The following FAM234A variants were observed in gnomAD, a reference collection of about 807,000 sequenced individuals.
FAM234A encodes protein FAM234A.
In FAM234A, 42 loss-of-function variants were observed where a neutral mutation model predicts 49.1. That is an observed-to-expected ratio of 0.86 (90% CI 0.67 to 1.11). The LOEUF is 1.11. Ranked by LOEUF, FAM234A falls within the 50% of genes least tolerant of loss-of-function variation. FAM234A has a pLI of 0.00. For missense variants in FAM234A, 815 were observed against 745.2 expected (o/e 1.09, Z -1.09); for synonymous variants, 369 against 316.2 (o/e 1.17, Z -1.77).
At chr16:261,999 G>GC in intron 6 of FAM234A, 94 bp from the exon 7 acceptor site, 2 of 947,768 alleles carry the variant, frequency 2.1e-6, no homozygotes, top group South Asian at 2.0e-5. Context: ...TGTCATTGCA[G>GC]CCCCAGGCTC....
chr16:245,927 C>T (rs562371752), intron 1 of FAM234A, among the ~76,000 whole-genome samples: 1 of 152,112 alleles, frequency 6.6e-6, no homozygotes, highest in Non-Finnish European at 1.5e-5. Context: ...ACATTTTTGG[C>T]CAGGCGCAGT....
chr16:246,547 G>A (rs1472772843), intron 1 of FAM234A, among the ~76,000 whole-genome samples: 10 of 148,016 alleles, frequency 6.8e-5, no homozygotes, highest in African/African-American at 2.5e-4. Flanking sequence ...AGCCTCCCGA[G>A]TAGCTGGGAC....
chr16:266,880 C>T (rs553386383), downstream of FAM234A, among the ~76,000 whole-genome samples: 683 of 152,142 alleles, frequency 4.5e-3, 2 homozygotes, highest in Middle Eastern at 0.017. Flanking sequence ...AAGAGCTGCC[C>T]CCTGACAGCA....
At chr16:245,915 T>C (rs1247703089) in intron 1 of FAM234A, among the ~76,000 whole-genome samples, 1 of 152,132 alleles carries the variant, frequency 6.6e-6, no homozygotes, top group African/African-American at 2.4e-5. Context: ...AAAATAATGT[T>C]TACATTTTTG....
chr16:251,374 T>G (rs540467955), intron 2 of FAM234A, among the ~76,000 whole-genome samples: 8 of 152,238 alleles, frequency 5.3e-5, no homozygotes, highest in Middle Eastern at 3.4e-3. Context: ...GTAGGGTTTT[T>G]TTTTGTTTTG....
intron 1 of FAM234A, among the ~76,000 whole-genome samples, chr16:236,116 C>G (rs570166005): frequency 1.3e-5 from 2 of 151,728 alleles, no homozygotes; most frequent in Non-Finnish European, 2.9e-5. Context: ...CCACACCCAG[C>G]TAATTTTTTT....
rs2050339390 is a variant in FAM234A at position 234,845 on chromosome 16, G to A, written c.-152G>A. The A allele has an allele frequency of 6.6e-6, 1 of 152,514 alleles. No individual in the cohort carries two copies. The highest frequency in any genetic ancestry group is 1.5e-5 in the Non-Finnish European group (1 of 68,212). The allele number at this position is 152,514 out of a possible 1,614,324, so 9.4% of individuals were successfully genotyped here. On this transcript the variant is annotated 5_prime_UTR_variant, in exon 1 of 13. Transcript: ENST00000399932. ...GGCCAGCGGCGCGGTCGGGTGAGAGGCCGCGGCGGCAGGTGAGTGAGCGCG... is the reference window on the plus strand; with the variant it reads ...GGCCAGCGGCGCGGTCGGGTGAGAGACCGCGGCGGCAGGTGAGTGAGCGCG...
chr16:269,532 C>T, downstream of FAM234A: 2 of 1,613,438 alleles, frequency 1.2e-6, no homozygotes, highest in Middle Eastern at 1.6e-4. Flanking sequence ...GGATCCCAGC[C>T]TCTGCCAGGA....
intron 9 of FAM234A, 143 bp from the exon 10 acceptor site, chr16:263,557 G>A: frequency 2.3e-6 from 3 of 1,292,678 alleles, no homozygotes; most frequent in Non-Finnish European, 2.2e-6. Flanking sequence ...CTTGCCCCTT[G>A]CCCCAGACGT....
intron 7 of FAM234A, 41 bp from the exon 8 acceptor site, chr16:262,383 C>T (rs1031609240): frequency 3.8e-6 from 6 of 1,564,452 alleles, no homozygotes; most frequent in African/African-American, 1.4e-5. Context: ...GGGTTCACAG[C>T]GTGACCCTGG....
chr16:253,568 G>A (rs759490005), intron 2 of FAM234A, among the ~76,000 whole-genome samples: 3 of 151,622 alleles, frequency 2.0e-5, no homozygotes, highest in Admixed American at 6.6e-5. Flanking sequence ...TCCGCCTCCC[G>A]GGTTCACGCC....
rs199753598 is a variant in FAM234A, at chr16:264,867, G to T, written c.1504G>T (p.Asp502Tyr). The change falls in exon 13 of 13, where the codon GAC becomes TAC. Residue 502 changes from aspartate to tyrosine, a missense_variant. Asp to Tyr is a radical substitution (Grantham distance 160). Transcript: ENST00000399932. ...CTACATCCTTCTGACAGGCCCGGCA[G>T]ACTCAGAGGCACCCGGCCTGGTCTC... ...AAYILLTGPA[D>Y]SEAPGLVSVI... 2.0e-4 allele frequency: 325 copies of T among 1,612,372 alleles called. 1 individual carries two copies. Among genetic ancestry groups the T allele is most frequent in the Non-Finnish European group, 2.6e-4 (311 of 1,179,964 alleles).
At chr16:260,381 G>A (rs13335629) in intron 5 of FAM234A, 6,806 of 593,928 alleles carry the variant, frequency 0.011, 386 homozygotes, top group African/African-American at 0.11. Context: ...GTTACCTCCC[G>A]TTACACCTTG....
chr16:252,873 C>CG (rs762768966), intron 2 of FAM234A, among the ~76,000 whole-genome samples: 3 of 152,178 alleles, frequency 2.0e-5, no homozygotes, highest in African/African-American at 4.8e-5. Flanking sequence ...CGCTGACCTC[C>CG]GCACGCCCTC....
intron 11 of FAM234A, 94 bp downstream of exon 11, chr16:264,265 G>C: frequency 7.7e-7 from 1 of 1,291,516 alleles, no homozygotes; most frequent in Non-Finnish European, 1.0e-6. Context: ...GCTCATCGGT[G>C]CCTGGGCAAC....
At chr16:269,776 G>C, downstream of FAM234A, 1 of 564,426 alleles carries the variant, frequency 1.8e-6, no homozygotes, top group Non-Finnish European at 3.1e-6. Flanking sequence ...GCTCCCGTCT[G>C]CCTGGGCCAT....
chr16:260,958 G>C (rs1224553095), intron 5 of FAM234A, among the ~76,000 whole-genome samples: 2 of 152,144 alleles, frequency 1.3e-5, no homozygotes, highest in African/African-American at 4.8e-5. Context: ...GGGCCTGCAT[G>C]GCACCAAGGG....
chr16:267,524 G>A (rs927371405), downstream of FAM234A, among the ~76,000 whole-genome samples: 43 of 151,936 alleles, frequency 2.8e-4, no homozygotes, highest in African/African-American at 8.4e-4. Context: ...TACACGACAC[G>A]TGCACACACA....
chr16:269,626 T>C (rs748486658), downstream of FAM234A: 2 of 1,475,444 alleles, frequency 1.4e-6, no homozygotes, highest in South Asian at 2.3e-5. Flanking sequence ...TTCTGCCTCC[T>C]CACCTCTCAG....
Sources: gnomAD v4.1 joint callset for allele counts (sites outside exome capture counted in the v4.1 genomes callset) on GRCh38, gnomAD v4.1.1 for gene constraint, MANE v1.5 for transcripts, NCBI Gene and HGNC (gene_info 2026-07-23, HGNC 2026-07-21) for gene names.